CHL1: variants seen among roughly 807,000 people sequenced by gnomAD.
The protein encoded by CHL1 is cell adhesion molecule L1 like, also known as neural cell adhesion molecule L1-like protein.
A neutral mutation model predicts 141.9 loss-of-function variants in CHL1; 96 were observed. The ratio of observed to expected loss-of-function variants is 0.68; its 90% confidence interval spans 0.57 to 0.80. The LOEUF (loss-of-function observed/expected upper bound fraction) is 0.80. Ranked by LOEUF, CHL1 falls within the 30% of genes least tolerant of loss-of-function variation. The probability of loss-of-function intolerance (pLI) is 0.00; values close to 1 mark genes in which losing one functional copy is unlikely to be tolerated. For missense variants in CHL1, 1,820 were observed against 1,457.2 expected, an observed-to-expected ratio of 1.25 and a Z score of -4.05; for synonymous variants, 613 against 502.2, an observed-to-expected ratio of 1.22 and a Z score of -2.95.
At chr3:347,256 A>T (rs1702844516) in intron 9 of CHL1, among the ~76,000 whole-genome samples, 1 of 152,198 alleles carries the variant, frequency 6.6e-6, no homozygotes, top group South Asian at 2.1e-4. Flanking sequence ...TGCAAATAAA[A>T]GTTGGCCAGA....
chr3:205,163 T>A (rs1490207688), intron 1 of CHL1, among the ~76,000 whole-genome samples: 2 of 148,250 alleles, frequency 1.3e-5, no homozygotes, highest in East Asian at 3.9e-4. Flanking sequence ...AGCGCTGGAG[T>A]ACAGTGGTAT....
intron 2 of CHL1, among the ~76,000 whole-genome samples, chr3:248,954 A>G (rs922818817): frequency 5.3e-5 from 8 of 152,226 alleles, no homozygotes; most frequent in African/African-American, 1.9e-4. Context: ...AGCTAAACAA[A>G]TAACTCAGAG....
At chr3:395,740 T>C (rs911467792) in intron 24 of CHL1, among the ~76,000 whole-genome samples, 1 of 152,218 alleles carries the variant, frequency 6.6e-6, no homozygotes, top group African/African-American at 2.4e-5. Context: ...AAAGTAGTAA[T>C]GGCAAAGGCC....
chr3:300,161 A>C (rs1698596874), intron 2 of CHL1, among the ~76,000 whole-genome samples: 1 of 152,240 alleles, frequency 6.6e-6, no homozygotes, highest in African/African-American at 2.4e-5. Context: ...CAATTGATTG[A>C]AACTAAAACT....
intron 5 of CHL1, among the ~76,000 whole-genome samples, chr3:330,628 AC>A (rs1292634822): frequency 6.6e-6 from 1 of 152,172 alleles, no homozygotes; most frequent in African/African-American, 2.4e-5. Flanking sequence ...GAATCTATAC[AC>A]TTAAAATGCT....
chr3:276,826 T>C (rs922067145), intron 2 of CHL1, among the ~76,000 whole-genome samples: 5 of 140,104 alleles, frequency 3.6e-5, no homozygotes, highest in Non-Finnish European at 6.0e-5. Context: ...AAGTCGGAGG[T>C]TGCAGAGAGC....
intron 19 of CHL1, among the ~76,000 whole-genome samples, chr3:385,237 G>A (rs941220494): frequency 5.3e-5 from 8 of 152,150 alleles, no homozygotes; most frequent in South Asian, 4.1e-4. Flanking sequence ...GTATTTGCCA[G>A]TCAGTTCCTC....
chr3:234,912 C>T (rs1407575087), intron 1 of CHL1, among the ~76,000 whole-genome samples: 2 of 152,092 alleles, frequency 1.3e-5, no homozygotes, highest in African/African-American at 2.4e-5. Flanking sequence ...CTTTTCACAC[C>T]TAAATAAGCC....
chr3:221,368 G>A lies in CHL1; in HGVS notation c.-174-23245G>A, dbSNP rs535596102. 3.9e-5 allele frequency among the ~76,000 whole-genome samples: 6 copies of A among 152,246 alleles called. 1 individual carries two copies. The East Asian group carries it at 1.2e-3, about 29-fold the overall frequency. On this transcript the variant is annotated intron_variant, in intron 1 of 27. Transcript: ENST00000256509. ...AAGACTATAGTAATCAGTGCATTTT[G>A]AGCCCTCAGTTGTTCAAGTACTATC...
intron 13 of CHL1, among the ~76,000 whole-genome samples, chr3:362,571 C>G (rs1163203649): frequency 1.3e-5 from 2 of 151,988 alleles, no homozygotes; most frequent in East Asian, 3.9e-4. Context: ...CTTGCCTCAG[C>G]CTAGTCCCTG....
At chr3:240,163 T>A (rs1473134601) in intron 1 of CHL1, among the ~76,000 whole-genome samples, 1 of 152,204 alleles carries the variant, frequency 6.6e-6, no homozygotes, top group Non-Finnish European at 1.5e-5. Context: ...CTGTAAGGAA[T>A]CTCCGTACTG....
intron 2 of CHL1, among the ~76,000 whole-genome samples, chr3:300,978 G>C (rs1698676470): frequency 6.6e-6 from 1 of 152,066 alleles, no homozygotes; most frequent in South Asian, 2.1e-4. Context: ...GCTCAGGAGG[G>C]GGAAGAGAGA....
chr3:298,015 T>C lies in CHL1; in HGVS notation c.-94-21668T>C, dbSNP rs1698359289. ...AGGTGGTCATCTTGATAATCATTTG[T>C]GTTATGTTAATGCACTCCAAAGTGG... is the stretch of plus-strand genomic sequence containing the variant. On this transcript the variant is annotated intron_variant, in intron 2 of 27. Transcript: ENST00000256509. Among the ~76,000 whole-genome samples, 3 of 152,230 alleles carry C rather than the reference T, an allele frequency of 2.0e-5. No individual in the cohort carries two copies. In the South Asian group the frequency reaches 6.2e-4, roughly 32 times the overall value.
intron 7 of CHL1, among the ~76,000 whole-genome samples, chr3:342,407 A>G (rs915992823): frequency 1.3e-5 from 2 of 152,140 alleles, no homozygotes; most frequent in African/African-American, 4.8e-5. Context: ...ATTCACTGTG[A>G]TCTTGGATAA....
At chr3:369,562 C>T (rs745414521) in intron 15 of CHL1, among the ~76,000 whole-genome samples, 2 of 152,216 alleles carry the variant, frequency 1.3e-5, no homozygotes, top group Admixed American at 6.5e-5. Flanking sequence ...ATTTGACTTC[C>T]TCTCTTCCTA....
intron 2 of CHL1, among the ~76,000 whole-genome samples, chr3:273,397 A>G (rs1480490626): frequency 3.3e-5 from 5 of 152,134 alleles, no homozygotes; most frequent in Non-Finnish European, 7.3e-5. Context: ...ATGTTTTTCC[A>G]CAAGCTCTTA....
chr3:367,609 G>T (rs559883453), intron 15 of CHL1, among the ~76,000 whole-genome samples: 1 of 152,238 alleles, frequency 6.6e-6, no homozygotes, highest in Non-Finnish European at 1.5e-5. Context: ...TTTGTGATTT[G>T]TACTGCTAAT....
At chr3:295,955 C>A (rs969059742) in intron 2 of CHL1, among the ~76,000 whole-genome samples, 1 of 152,118 alleles carries the variant, frequency 6.6e-6, no homozygotes, top group South Asian at 2.1e-4. Flanking sequence ...AACCTTGGTG[C>A]CCCTTCTTCC....
intron 22 of CHL1, 62 bp downstream of exon 22, chr3:391,221 A>G: frequency 2.3e-6 from 3 of 1,313,906 alleles, no homozygotes; most frequent in Non-Finnish European, 3.3e-6. Context: ...CATATTAAAC[A>G]TTCTTCCTTA....
Sources: gnomAD v4.1 joint callset for allele counts (sites outside exome capture counted in the v4.1 genomes callset) on GRCh38, gnomAD v4.1.1 for gene constraint, MANE v1.5 for transcripts, NCBI Gene and HGNC (gene_info 2026-07-23, HGNC 2026-07-21) for gene names.